The following PCDHA8 variants were observed in gnomAD, a reference collection of about 807,000 sequenced individuals.
The protein encoded by PCDHA8 is protocadherin alpha-8.
In PCDHA8, 53 loss-of-function variants were observed where a neutral mutation model predicts 61.8. The observed-to-expected ratio is 0.86, with a 90% confidence interval of 0.69 to 1.08. PCDHA8 has a LOEUF of 1.08. Among genes scored for constraint, PCDHA8 ranks in the 50% least tolerant of loss-of-function variants. The pLI is 0.00. For synonymous variants in PCDHA8, 618 were observed against 556.6 expected, an observed-to-expected ratio of 1.11 and a Z score of -1.55; for missense variants, 1,293 against 1,245.0, an observed-to-expected ratio of 1.04 and a Z score of -0.58.
rs781977975 is a variant in PCDHA8, at chr5:140,857,750, C to G, written c.2394+14035C>G. 1.9e-6 allele frequency: 3 copies of G among 1,597,316 alleles called. No homozygotes were observed. Among genetic ancestry groups the G allele is most frequent in the Non-Finnish European group, 1.7e-6 (2 of 1,167,614 alleles). On this transcript the variant is annotated intron_variant, in intron 1 of 3. Coordinates refer to ENST00000531613, the MANE Select transcript of PCDHA8 (RefSeq NM_018911.3). ...CAACGCTCCCGCGCTGCTGGCGTCT[C>G]CCGCTGGCAGCGCGGGCGGTGCAGT...
rs1554138709 is a variant in PCDHA8, at chr5:140,842,004, T to G, written c.683T>G (p.Leu228Arg). The change falls in exon 1 of 4, where the codon CTG becomes CGG. Residue 228 changes from leucine (L) to arginine (R), a missense_variant. Leu to Arg is a moderately radical substitution (Grantham distance 102). Coordinates refer to ENST00000531613, the MANE Select transcript of PCDHA8 (RefSeq NM_018911.3). ...GKPELTGTVQ[L>R]LVTVLDVNDN... ...CCTGAGCTCACAGGCACTGTTCAGC[T>G]GCTGGTCACAGTGCTGGATGTGAAT... The G allele has an allele frequency of 3.7e-6, 6 of 1,613,692 alleles. No homozygotes were observed. Among genetic ancestry groups the G allele is most frequent in the Non-Finnish European group, 5.1e-6 (6 of 1,179,766 alleles).
At chr5:140,847,086 A>G (rs1439792842) in intron 1 of PCDHA8, among the ~76,000 whole-genome samples, 1 of 149,852 alleles carries the variant, frequency 6.7e-6, no homozygotes, top group East Asian at 1.9e-4. Flanking sequence ...AGAAAAGTCC[A>G]CTTTGGTTAA....
chr5:140,919,038 C>A (rs2078983263), intron 1 of PCDHA8, among the ~76,000 whole-genome samples: 1 of 152,046 alleles, frequency 6.6e-6, no homozygotes, highest in Non-Finnish European at 1.5e-5. Context: ...TAGTTGTTGT[C>A]CATTATTGGA....
chr5:140,863,234 G>A (rs782122852), intron 1 of PCDHA8: 1 of 1,250,682 alleles, frequency 8.0e-7, no homozygotes. Flanking sequence ...GTCCCATCGC[G>A]GGCTTTGGCG....
chr5:141,006,568 T>C (rs2098278532), intron 3 of PCDHA8, among the ~76,000 whole-genome samples: 1 of 152,110 alleles, frequency 6.6e-6, no homozygotes, highest in Non-Finnish European at 1.5e-5. Flanking sequence ...CTCTGGCTAC[T>C]GTGTGGAGGG....
intron 1 of PCDHA8, among the ~76,000 whole-genome samples, chr5:140,935,292 G>A (rs782760921): frequency 3.0e-4 from 46 of 152,068 alleles, no homozygotes; most frequent in Non-Finnish European, 3.8e-4. Context: ...TCAGCACTCC[G>A]AGGTTTTTAC....
intron 1 of PCDHA8, chr5:140,849,883 T>A (rs2150456208): frequency 6.3e-7 from 1 of 1,598,406 alleles, no homozygotes; most frequent in Non-Finnish European, 8.6e-7. Context: ...TACACGGTGT[T>A]CGTGAAGGAG....
chr5:140,931,659 G>A (rs1554208521), intron 1 of PCDHA8, among the ~76,000 whole-genome samples: 1 of 151,694 alleles, frequency 6.6e-6, no homozygotes, highest in Non-Finnish European at 1.5e-5. Flanking sequence ...GTTGTGGGCT[G>A]GATATTTCCT....
At chr5:140,877,627 A>G (rs782765998) in intron 1 of PCDHA8, 3 of 1,613,732 alleles carry the variant, frequency 1.9e-6, no homozygotes, top group Admixed American at 3.3e-5. Context: ...GCTGCTGTAC[A>G]CTGCGCTGCG....
intron 1 of PCDHA8, among the ~76,000 whole-genome samples, chr5:140,935,364 G>A (rs1480423579): frequency 2.0e-5 from 3 of 152,008 alleles, no homozygotes; most frequent in African/African-American, 4.8e-5. Flanking sequence ...TTTCATTAAC[G>A]TCAACAGAAT....
At position 140,967,262 on chromosome 5, in the gene PCDHA8, C is replaced by T; in HGVS notation, c.2395-11687C>T. ...AAGCGAATCGGTGGCGCCTGGAGCG[C>T]GCTTTCACATAGAGAGTGCGCAGGA... On this transcript the variant is annotated intron_variant, in intron 1 of 3. Transcript: ENST00000531613. The T allele has an allele frequency of 1.9e-6, 3 of 1,613,522 alleles. No homozygotes were observed. In the South Asian group the frequency reaches 3.3e-5, roughly 18 times the overall value.
chr5:140,911,907 C>T (rs926309943), intron 1 of PCDHA8, among the ~76,000 whole-genome samples: 2 of 152,110 alleles, frequency 1.3e-5, no homozygotes, highest in Admixed American at 6.6e-5. Flanking sequence ...AGTCAGAGCT[C>T]TCTAGAGGAC....
Position 140,945,638 on chromosome 5 carries a change from A to G in PCDHA8, c.2395-33311A>G, listed in dbSNP as rs187448798. ...CATGGTACTGGCATAAAAGACATGTAGACCAATGGAGCAGAATACAGCTCC... is the reference window on the plus strand; with the variant it reads ...CATGGTACTGGCATAAAAGACATGTGGACCAATGGAGCAGAATACAGCTCC... On this transcript the variant is annotated intron_variant, in intron 1 of 3. Transcript: ENST00000531613. 2.6e-5 allele frequency among the ~76,000 whole-genome samples: 4 copies of G among 152,300 alleles called. No homozygotes were observed. The East Asian group carries it at 5.8e-4, about 22-fold the overall frequency.
intron 1 of PCDHA8, chr5:140,966,616 G>A: frequency 1.3e-6 from 1 of 788,372 alleles, no homozygotes; most frequent in South Asian, 2.7e-5. Context: ...AGGGCCTACG[G>A]AGGGAGCGGC....
chr5:140,881,362 G>C, intron 1 of PCDHA8: 6 of 985,132 alleles, frequency 6.1e-6, no homozygotes, highest in Non-Finnish European at 7.2e-6. Context: ...CGTGGCTTTC[G>C]TATGAATTGC....
At chr5:140,991,481 A>G (rs1272675537) in intron 3 of PCDHA8, among the ~76,000 whole-genome samples, 3 of 152,226 alleles carry the variant, frequency 2.0e-5, no homozygotes, top group Non-Finnish European at 2.9e-5. Flanking sequence ...TCTGGAAGTC[A>G]GAAGTCCACA....
At position 140,849,885 on chromosome 5, in the gene PCDHA8, G is replaced by A. The variant is rs2150456327; in HGVS notation, c.2394+6170G>A. On this transcript the variant is annotated intron_variant, in intron 1 of 3. Transcript: ENST00000531613. ...CGCGCAGTCCGAGTACACGGTGTTC[G>A]TGAAGGAGAACAACCCGCCGGGCTG... The A allele has an allele frequency of 1.6e-5, 25 of 1,598,614 alleles. 3 individuals carry two copies. Among genetic ancestry groups the A allele is most frequent in the Non-Finnish European group, 2.0e-5 (23 of 1,167,994 alleles).
intron 1 of PCDHA8, among the ~76,000 whole-genome samples, chr5:140,932,550 A>T (rs552367725): frequency 2.6e-5 from 4 of 152,058 alleles, no homozygotes; most frequent in Admixed American, 2.0e-4. Context: ...TTTAACATAC[A>T]TTCCACAAGT....
intron 3 of PCDHA8, among the ~76,000 whole-genome samples, chr5:140,995,446 T>C (rs2097684088): frequency 6.6e-6 from 1 of 152,206 alleles, no homozygotes; most frequent in Non-Finnish European, 1.5e-5. Flanking sequence ...TTAAAACTTA[T>C]GAATTGTTTA....
Sources: gnomAD v4.1 joint callset for allele counts (sites outside exome capture counted in the v4.1 genomes callset) on GRCh38, gnomAD v4.1.1 for gene constraint, MANE v1.5 for transcripts, NCBI Gene and HGNC (gene_info 2026-07-23, HGNC 2026-07-21) for gene names.